The following HLCS variants were observed in gnomAD, a reference collection of about 807,000 sequenced individuals.
The protein encoded by HLCS is holocarboxylase synthetase, also known as biotin--protein ligase.
HLCS carries 53 observed loss-of-function variants against 75.0 expected under a neutral mutation model. The observed-to-expected ratio is 0.71, with a 90% CI of 0.57 to 0.89. HLCS has a LOEUF of 0.89. Among genes scored for constraint, HLCS ranks in the 40% least tolerant of loss-of-function variants. HLCS has a pLI of 0.00. For synonymous variants in HLCS, 431 were observed against 428.6 expected (o/e 1.01, Z -0.07); for missense variants, 966 against 1,074.0 (o/e 0.90, Z 1.41).
chr21:36,829,520 G>A (rs2062124672), intron 6 of HLCS, among the ~76,000 whole-genome samples: 1 of 151,950 alleles, frequency 6.6e-6, no homozygotes, highest in African/African-American at 2.4e-5. Flanking sequence ...TATAAATATT[G>A]TCATATTACT....
At chr21:36,872,467 C>A (rs1275671350) in intron 6 of HLCS, among the ~76,000 whole-genome samples, 2 of 151,932 alleles carry the variant, frequency 1.3e-5, no homozygotes, top group South Asian at 4.2e-4. Context: ...AATTGGCCTA[C>A]CTTGATATGC....
At position 36,787,904 on chromosome 21, in the gene HLCS, C is replaced by T. The variant is rs545346887; in HGVS notation, c.1893-20619G>A. On this transcript the variant is annotated intron_variant, in intron 6 of 10. Transcript: ENST00000674895. ...AGGTCACCTGTGCCGATGACCAGAC[C>T]CACCCCCTACCCACCAGCAGGGCTG... 3.3e-5 allele frequency among the ~76,000 whole-genome samples: 5 copies of T among 152,240 alleles called. No individual in the cohort carries two copies. The South Asian group carries it at 8.3e-4, about 25-fold the overall frequency.
intron 6 of HLCS, among the ~76,000 whole-genome samples, chr21:36,792,823 T>A (rs2060910925): frequency 1.3e-5 from 2 of 152,132 alleles, no homozygotes; most frequent in East Asian, 3.9e-4. Flanking sequence ...AACGAGAGGA[T>A]GCAGGGAGAG....
chr21:36,779,033 T>C (rs892528323), intron 6 of HLCS, among the ~76,000 whole-genome samples: 1 of 151,862 alleles, frequency 6.6e-6, no homozygotes, highest in Admixed American at 6.6e-5. Context: ...ATAGAAAATG[T>C]GTGCATGTGT....
chr21:36,909,654 G>A (rs1282028353), intron 5 of HLCS, among the ~76,000 whole-genome samples: 2 of 152,160 alleles, frequency 1.3e-5, no homozygotes, highest in South Asian at 2.1e-4. Flanking sequence ...GTGCAATGAC[G>A]TGATCATAGA....
At chr21:36,783,043 G>T (rs2060580938) in intron 6 of HLCS, among the ~76,000 whole-genome samples, 1 of 152,056 alleles carries the variant, frequency 6.6e-6, no homozygotes, top group Non-Finnish European at 1.5e-5. Flanking sequence ...TAGATGTTTT[G>T]TATTGTATTA....
At chr21:36,938,236 AT>A (rs201669969) in intron 3 of HLCS, among the ~76,000 whole-genome samples, 39 of 152,372 alleles carry the variant, frequency 2.6e-4, no homozygotes, top group East Asian at 1.7e-3. Flanking sequence ...GTTATACTGT[AT>A]TAAACTATGT....
intron 1 of HLCS, chr21:36,980,754 G>A (rs1165539884): frequency 6.6e-6 from 1 of 152,406 alleles, no homozygotes; most frequent in Non-Finnish European, 1.5e-5. Context: ...CAGCGCAGAT[G>A]GCAGCGGAGG....
At chr21:36,885,411 G>C (rs1408908842) in intron 6 of HLCS, among the ~76,000 whole-genome samples, 1 of 151,980 alleles carries the variant, frequency 6.6e-6, no homozygotes, top group Non-Finnish European at 1.5e-5. Context: ...GGGACGCTGA[G>C]GTGGGAGGAT....
At chr21:36,844,118 C>T (rs980690942) in intron 6 of HLCS, among the ~76,000 whole-genome samples, 1 of 152,126 alleles carries the variant, frequency 6.6e-6, no homozygotes, top group Non-Finnish European at 1.5e-5. Context: ...CAATAATGCT[C>T]CCTCTCTCCG....
chr21:36,810,685 C>A (rs1004650567), intron 6 of HLCS, among the ~76,000 whole-genome samples: 15 of 152,192 alleles, frequency 9.9e-5, no homozygotes, highest in African/African-American at 3.4e-4. Context: ...TCTTGATCTG[C>A]CATTCTCAGA....
At chr21:36,832,856 C>A (rs886813007) in intron 6 of HLCS, among the ~76,000 whole-genome samples, 4 of 152,204 alleles carry the variant, frequency 2.6e-5, no homozygotes, top group South Asian at 4.1e-4. Flanking sequence ...ACAGCCTGAA[C>A]CTTCAAAGGG....
chr21:36,971,360 C>T (rs781247343), upstream of HLCS, among the ~76,000 whole-genome samples: 7 of 152,142 alleles, frequency 4.6e-5, no homozygotes, highest in Non-Finnish European at 8.8e-5. Context: ...GGAGAAATCA[C>T]TGATTCTGGT....
At chr21:36,836,293 G>C (rs2146075260) in intron 6 of HLCS, among the ~76,000 whole-genome samples, 1 of 152,174 alleles carries the variant, frequency 6.6e-6, no homozygotes, top group African/African-American at 2.4e-5. Flanking sequence ...TTGCTTACCA[G>C]GACAGTGAAA....
chr21:36,917,411 CT>C (rs1279474947), intron 5 of HLCS, among the ~76,000 whole-genome samples: 1 of 152,196 alleles, frequency 6.6e-6, no homozygotes, highest in African/African-American at 2.4e-5. Flanking sequence ...AGACCCAGAT[CT>C]TGTACAGCCC....
At chr21:36,886,809 C>G (rs1001260091) in intron 6 of HLCS, among the ~76,000 whole-genome samples, 1 of 152,134 alleles carries the variant, frequency 6.6e-6, no homozygotes, top group Non-Finnish European at 1.5e-5. Context: ...CTCTCACCCT[C>G]TTTCTGCCAT....
chr21:36,869,016 A>G (rs1174960414), intron 6 of HLCS, among the ~76,000 whole-genome samples: 1 of 151,400 alleles, frequency 6.6e-6, no homozygotes, highest in African/African-American at 2.4e-5. Context: ...CTCGCATTCA[A>G]GTCTCAGCTG....
rs1157437590 is a variant in HLCS at position 36,813,540 on chromosome 21, T to C, written c.1893-46255A>G. On this transcript the variant is annotated intron_variant, in intron 6 of 10. Transcript: ENST00000674895. ...GTTAAAAGTACTGAGAGATTTACAATGATCAAGTAATATGCCAGTTCTTTC... is the reference window on the plus strand; with the variant it reads ...GTTAAAAGTACTGAGAGATTTACAACGATCAAGTAATATGCCAGTTCTTTC... Among the ~76,000 whole-genome samples, 5 of 152,334 alleles carry C rather than the reference T, an allele frequency of 3.3e-5. No individual in the cohort carries two copies. In the East Asian group the frequency reaches 9.6e-4, roughly 29 times the overall value.
intron 6 of HLCS, among the ~76,000 whole-genome samples, chr21:36,776,198 C>T (rs1028503752): frequency 6.6e-6 from 1 of 152,172 alleles, no homozygotes; most frequent in Non-Finnish European, 1.5e-5. Flanking sequence ...ATGCCCTTCA[C>T]ACAGCACCCA....
Sources: gnomAD v4.1 joint callset for allele counts (sites outside exome capture counted in the v4.1 genomes callset) on GRCh38, gnomAD v4.1.1 for gene constraint, MANE v1.5 for transcripts, NCBI Gene and HGNC (gene_info 2026-07-23, HGNC 2026-07-21) for gene names.